Variants in ALDH1L1 observed in about 807,000 individuals in gnomAD.
The protein encoded by ALDH1L1 is cytosolic 10-formyltetrahydrofolate dehydrogenase.
A neutral mutation model predicts 101.1 loss-of-function variants in ALDH1L1; 68 were observed. That is an observed-to-expected ratio of 0.67 (90% CI 0.55 to 0.82). The LOEUF (loss-of-function observed/expected upper bound fraction) is 0.82, where lower values mean the gene tolerates loss of function less well. ALDH1L1 is among the 40% of genes least tolerant of loss of function. The pLI is 0.00. For missense variants in ALDH1L1, 1,087 were observed against 1,172.7 expected (o/e 0.93, Z 1.07); for synonymous variants, 486 against 470.8 (o/e 1.03, Z -0.42).
intron 2 of ALDH1L1, 72 bp from the exon 3 acceptor site, chr3:126,158,711 G>C (rs2080972397): frequency 6.9e-7 from 1 of 1,446,982 alleles, no homozygotes; most frequent in African/African-American, 1.4e-5. Context: ...TGCCTTCCCA[G>C]CAGAGCAGCT....
chr3:126,124,602 C>A, intron 15 of ALDH1L1, 151 bp from the exon 16 acceptor site: 1 of 669,992 alleles, frequency 1.5e-6, no homozygotes, highest in Non-Finnish European at 2.6e-6. Context: ...AGGAAAGCCA[C>A]CAGAGGGGGC....
intron 1 of ALDH1L1, among the ~76,000 whole-genome samples, chr3:126,192,587 C>T (rs1344482918): frequency 6.6e-6 from 1 of 152,160 alleles, no homozygotes; most frequent in African/African-American, 2.4e-5. Flanking sequence ...CTTCATATGC[C>T]TCTTTAGCTT....
At chr3:126,186,540 G>A (rs1369298912) in intron 1 of ALDH1L1, among the ~76,000 whole-genome samples, 2 of 152,156 alleles carry the variant, frequency 1.3e-5, no homozygotes, top group African/African-American at 4.8e-5. Context: ...GGCTTGGGGT[G>A]TGGAGAACTT....
At chr3:126,158,853 C>T (rs1340013752) in intron 2 of ALDH1L1, among the ~76,000 whole-genome samples, 1 of 152,164 alleles carries the variant, frequency 6.6e-6, no homozygotes, top group Non-Finnish European at 1.5e-5. Flanking sequence ...TTTTGCTGAA[C>T]CCCAGGACCT....
chr3:126,107,348 A>C, intron 20 of ALDH1L1, 102 bp from the exon 21 acceptor site: 1 of 911,658 alleles, frequency 1.1e-6, no homozygotes. Context: ...CCTGCGGATG[A>C]CCCGACATAA....
intron 8 of ALDH1L1, 54 bp from the exon 9 acceptor site, chr3:126,146,980 C>A (rs2080704390): frequency 6.4e-7 from 1 of 1,550,604 alleles, no homozygotes; most frequent in Admixed American, 1.8e-5. Context: ...GGGACAAGTG[C>A]CACTCCAGGA....
chr3:126,124,515 C>A, intron 15 of ALDH1L1, 64 bp from the exon 16 acceptor site: 1 of 1,329,704 alleles, frequency 7.5e-7, no homozygotes, highest in Non-Finnish European at 1.1e-6. Flanking sequence ...CTCTGCCTTC[C>A]CTCCCCGCCT....
intron 9 of ALDH1L1, among the ~76,000 whole-genome samples, chr3:126,145,369 A>G (rs564202668): frequency 6.6e-6 from 1 of 152,372 alleles, no homozygotes; most frequent in South Asian, 2.1e-4. Context: ...TATTTGTCCA[A>G]AAGAACTGAT....
At chr3:126,180,622 C>G, upstream of ALDH1L1, 5 of 1,279,300 alleles carry the variant, frequency 3.9e-6, no homozygotes, top group Non-Finnish European at 5.0e-6. Flanking sequence ...AAGGCCAGAG[C>G]CCGTGAGGGG....
intron 14 of ALDH1L1, chr3:126,129,019 T>A (rs540906075): frequency 2.8e-5 from 4 of 145,220 alleles, no homozygotes; most frequent in Admixed American, 2.7e-4. Context: ...GCTCCCACAC[T>A]ACTGACATTT....
upstream of ALDH1L1, chr3:126,181,003 G>T (rs938970415): frequency 1.2e-6 from 2 of 1,606,856 alleles, no homozygotes; most frequent in Non-Finnish European, 1.7e-6. Context: ...AGGAGACGCT[G>T]CCCTCCGGGA....
intron 11 of ALDH1L1, 85 bp from the exon 12 acceptor site, chr3:126,135,747 G>C (rs1400838546): frequency 7.0e-7 from 1 of 1,427,726 alleles, no homozygotes; most frequent in Non-Finnish European, 9.2e-7. Context: ...CCTCCTCCTG[G>C]GGCCCCAGTG....
intron 16 of ALDH1L1, among the ~76,000 whole-genome samples, chr3:126,123,217 T>C (rs967486360): frequency 2.0e-5 from 3 of 151,188 alleles, no homozygotes; most frequent in African/African-American, 7.3e-5. Flanking sequence ...TAATGAATGA[T>C]AAAAGTGTCA....
upstream of ALDH1L1, among the ~76,000 whole-genome samples, chr3:126,185,318 T>G (rs2081508023): frequency 6.6e-6 from 1 of 152,162 alleles, no homozygotes; most frequent in African/African-American, 2.4e-5. Context: ...AGAAACTCAC[T>G]GTAAAGGAAT....
chr3:126,194,150 T>C (rs1224646751), intron 1 of ALDH1L1, among the ~76,000 whole-genome samples: 1 of 152,218 alleles, frequency 6.6e-6, no homozygotes, highest in Non-Finnish European at 1.5e-5. Flanking sequence ...ATTTCTGTGG[T>C]CTACAGTAAC....
intron 1 of ALDH1L1, among the ~76,000 whole-genome samples, chr3:126,161,366 G>T (rs1445916796): frequency 1.3e-5 from 2 of 152,210 alleles, no homozygotes; most frequent in Non-Finnish European, 2.9e-5. Context: ...CTATGGCCTT[G>T]GTCAAGTCAC....
In ALDH1L1 at chr3:126,160,630, C is replaced by T. The variant is rs186622086; in HGVS notation, c.127+223G>A. 2.0e-3 allele frequency among the ~76,000 whole-genome samples: 302 copies of T among 152,312 alleles called. 1 individual carries two copies. The highest frequency in any genetic ancestry group is 3.4e-3 in the Middle Eastern group (1 of 294). ...ATAGCCCTTCTCCAGGACCCTAATG[C>T]CACCCCATGATCAGGTGGGGAGGGG... On this transcript the variant is annotated intron_variant, in intron 2 of 22. Coordinates refer to ENST00000393434, the MANE Select transcript of ALDH1L1 (RefSeq NM_012190.4).
intron 1 of ALDH1L1, among the ~76,000 whole-genome samples, chr3:126,191,169 G>A (rs1025577296): frequency 1.3e-5 from 2 of 152,184 alleles, no homozygotes; most frequent in African/African-American, 4.8e-5. Context: ...CAGCTTAGAT[G>A]GAGATTGGGA....
At chr3:126,169,053 GCAA>G (rs756534036) in intron 1 of ALDH1L1, among the ~76,000 whole-genome samples, 3 of 152,038 alleles carry the variant, frequency 2.0e-5, no homozygotes, top group East Asian at 1.9e-4. Flanking sequence ...TCTCACAACA[GCAA>G]CAACAACAAC....
Sources: allele counts gnomAD v4.1 joint callset (sites outside exome capture counted in the v4.1 genomes callset), GRCh38; gene constraint gnomAD v4.1.1; transcripts MANE v1.5; gene names NCBI Gene and HGNC (gene_info 2026-07-23, HGNC 2026-07-21).